The following PDGFD variants were observed in gnomAD, a reference collection of about 807,000 sequenced individuals.
The protein encoded by PDGFD is platelet-derived growth factor D.
PDGFD carries 30 observed loss-of-function variants against 44.7 expected under a neutral mutation model. That is an observed-to-expected ratio of 0.67 (90% CI 0.50 to 0.91). The LOEUF is 0.91. PDGFD is among the 40% of genes least tolerant of loss of function. PDGFD has a pLI of 0.00. For synonymous variants in PDGFD, 173 were observed against 168.4 expected, an observed-to-expected ratio of 1.03 and a Z score of -0.21; for missense variants, 445 against 457.8, an observed-to-expected ratio of 0.97 and a Z score of 0.25.
intron 1 of PDGFD, among the ~76,000 whole-genome samples, chr11:104,158,639 T>C (rs1862343384): frequency 6.6e-6 from 1 of 151,780 alleles, no homozygotes. Flanking sequence ...AAGACCATCC[T>C]GGCTAACACG....
intron 1 of PDGFD, among the ~76,000 whole-genome samples, chr11:104,096,323 A>G (rs908451967): frequency 2.0e-5 from 3 of 152,162 alleles, no homozygotes; most frequent in African/African-American, 7.2e-5. Flanking sequence ...TGTTCAAAAT[A>G]TCAGGAATGC....
intron 1 of PDGFD, among the ~76,000 whole-genome samples, chr11:104,042,620 C>A (rs1238683864): frequency 6.6e-6 from 1 of 152,084 alleles, no homozygotes; most frequent in Admixed American, 6.5e-5. Flanking sequence ...TGTTAAAGTC[C>A]CTAGGAGGCA....
intron 3 of PDGFD, among the ~76,000 whole-genome samples, chr11:103,969,474 G>GTTTTTTTTTTTTTTTTT: frequency 1.1e-5 from 1 of 89,800 alleles, no homozygotes; most frequent in East Asian, 4.0e-4. Flanking sequence ...ACCAAGCCTG[G>GTTTTTTTTTTTTTTTTT]TTTTTTTTTT....
intron 3 of PDGFD, among the ~76,000 whole-genome samples, chr11:103,950,454 C>T (rs1459948793): frequency 3.3e-5 from 5 of 150,876 alleles, no homozygotes; most frequent in Admixed American, 1.3e-4. Context: ...ATCCCAGTTA[C>T]TCAGGAGGCT....
chr11:104,061,737 G>C (rs1264443934), intron 1 of PDGFD, among the ~76,000 whole-genome samples: 1 of 152,124 alleles, frequency 6.6e-6, no homozygotes, highest in Non-Finnish European at 1.5e-5. Context: ...CCTCCTGAGT[G>C]GCTGGGATTA....
intron 1 of PDGFD, among the ~76,000 whole-genome samples, chr11:104,035,269 C>T (rs1022622461): frequency 6.6e-6 from 1 of 152,116 alleles, no homozygotes; most frequent in Admixed American, 6.5e-5. Context: ...CTGTGTTATC[C>T]ACACATTCCA....
intron 1 of PDGFD, among the ~76,000 whole-genome samples, chr11:104,068,468 T>C (rs1339464376): frequency 1.3e-5 from 2 of 152,332 alleles, no homozygotes; most frequent in South Asian, 2.1e-4. Flanking sequence ...CAAGATTTCA[T>C]TGTGTTCAGC....
At chr11:103,935,584 A>G (rs756279735) in intron 5 of PDGFD, among the ~76,000 whole-genome samples, 27 of 152,230 alleles carry the variant, frequency 1.8e-4, no homozygotes, top group Non-Finnish European at 3.5e-4. Flanking sequence ...TTTAATGAGT[A>G]CACTGATTAT....
chr11:104,093,032 T>C (rs1861232712), intron 1 of PDGFD, among the ~76,000 whole-genome samples: 1 of 152,166 alleles, frequency 6.6e-6, no homozygotes, highest in Non-Finnish European at 1.5e-5. Flanking sequence ...ATGGTTCTTT[T>C]CCCACTCGCT....
At chr11:104,096,054 T>G (rs545440758) in intron 1 of PDGFD, among the ~76,000 whole-genome samples, 2 of 152,310 alleles carry the variant, frequency 1.3e-5, no homozygotes, top group South Asian at 2.1e-4. Flanking sequence ...ACTTAGGCAC[T>G]TGGAGAATCT....
chr11:104,155,923 T>G (rs998267275), intron 1 of PDGFD, among the ~76,000 whole-genome samples: 3 of 152,174 alleles, frequency 2.0e-5, no homozygotes, highest in African/African-American at 7.2e-5. Context: ...ATCTCTGAGC[T>G]CTTCAGTCCA....
At chr11:104,120,867 C>G (rs1861769747) in intron 1 of PDGFD, among the ~76,000 whole-genome samples, 1 of 151,882 alleles carries the variant, frequency 6.6e-6, no homozygotes, top group South Asian at 2.1e-4. Context: ...GCCCTACTCC[C>G]AAAGTAGATC....
At chr11:104,121,625 AATAGAC>A (rs1202419359) in intron 1 of PDGFD, among the ~76,000 whole-genome samples, 3 of 152,102 alleles carry the variant, frequency 2.0e-5, no homozygotes, top group African/African-American at 7.2e-5. Flanking sequence ...TTTTAGATTA[AATAGAC>A]ATAAAGTTAA....
At chr11:104,147,002 T>TA (rs10700137) in intron 1 of PDGFD, among the ~76,000 whole-genome samples, 2,555 of 133,734 alleles carry the variant, frequency 0.019, 41 homozygotes, top group East Asian at 0.08. Context: ...CGGGGCATAC[T>TA]AAAAAAAAAA....
rs369380763 is a variant in PDGFD at position 103,933,579 on chromosome 11, T to G, written c.773-6453A>C. ...ATTAACCTAAATCACAGCAAAAGATTCTTAATCAGACAATTCCTGATTTTC... is the reference window on the plus strand; with the variant it reads ...ATTAACCTAAATCACAGCAAAAGATGCTTAATCAGACAATTCCTGATTTTC... On this transcript the variant is annotated intron_variant, in intron 5 of 6. Transcript: ENST00000393158. 2.0e-4 allele frequency among the ~76,000 whole-genome samples: 31 copies of G among 152,330 alleles called. No homozygotes were observed. The East Asian group carries it at 3.7e-3, about 18-fold the overall frequency.
chr11:104,058,095 T>C (rs562236601), intron 1 of PDGFD, among the ~76,000 whole-genome samples: 1 of 152,242 alleles, frequency 6.6e-6, no homozygotes, highest in South Asian at 2.1e-4. Flanking sequence ...TGACAAAGAT[T>C]AGTCAGCAAT....
rs151093493 is a variant in PDGFD, at chr11:104,057,851, C to T, written c.125-57596G>A. Among the ~76,000 whole-genome samples, 761 of 151,962 alleles carry T rather than the reference C, an allele frequency of 5.0e-3. 4 individuals are homozygous for T. Among genetic ancestry groups the T allele is most frequent in the African/African-American group, 0.017 (701 of 41,420 alleles). On this transcript the variant is annotated intron_variant, in intron 1 of 6. Coordinates refer to ENST00000393158, the MANE Select transcript of PDGFD (RefSeq NM_025208.5). The stretch of plus-strand genomic sequence containing the variant: ...TACATCCATAGAACACAATAGAGTC[C>T]GGAAAGAGACCCATACATATAGGGT...
rs369223298 is a variant in PDGFD, at chr11:103,955,077, T to C, written c.511-7353A>G. 5.2e-3 allele frequency among the ~76,000 whole-genome samples: 720 copies of C among 139,480 alleles called. 12 individuals carry two copies. In the South Asian group the frequency reaches 0.058, roughly 11 times the overall value. The allele number at this position is 139,480 out of a possible 152,430, so 91.5% of individuals were successfully genotyped here. On this transcript the variant is annotated intron_variant, in intron 3 of 6. Transcript: ENST00000393158. ...TACTTGGGAGGCTGAGGCAGGAGAATGGCGTGAACCCGGGAGGCGGAGCTT... is the reference window on the plus strand; with the variant it reads ...TACTTGGGAGGCTGAGGCAGGAGAACGGCGTGAACCCGGGAGGCGGAGCTT...
intron 3 of PDGFD, among the ~76,000 whole-genome samples, chr11:103,966,373 A>G (rs1859020164): frequency 6.6e-6 from 1 of 152,198 alleles, no homozygotes; most frequent in Non-Finnish European, 1.5e-5. Context: ...TTATTCAGCC[A>G]ATGCATATAT....
Sources: allele counts gnomAD v4.1 joint callset (sites outside exome capture counted in the v4.1 genomes callset), GRCh38; gene constraint gnomAD v4.1.1; transcripts MANE v1.5; gene names NCBI Gene and HGNC (gene_info 2026-07-23, HGNC 2026-07-21).